ZFAT: variants seen among roughly 807,000 people sequenced by gnomAD.
The protein encoded by ZFAT is zinc finger protein ZFAT.
ZFAT carries 64 observed loss-of-function variants against 117.7 expected under a neutral mutation model. That is an observed-to-expected ratio of 0.54 (90% confidence interval 0.44 to 0.67). ZFAT has a LOEUF of 0.67. Among genes scored for constraint, ZFAT ranks in the 30% least tolerant of loss-of-function variants. ZFAT has a pLI of 0.00. For missense variants in ZFAT, 1,433 were observed against 1,584.5 expected (o/e 0.90, Z 1.62); for synonymous variants, 679 against 615.0 (o/e 1.10, Z -1.54).
intron 1 of ZFAT, 30 bp downstream of exon 1, chr8:134,712,815 C>CGGGG: frequency 8.0e-6 from 9 of 1,128,072 alleles, no homozygotes; most frequent in Non-Finnish European, 1.1e-5. Context: ...ACCCCCACCC[C>CGGGG]GTCTCACCCC....
chr8:134,578,411 CAAA>C (rs778606284), intron 10 of ZFAT, among the ~76,000 whole-genome samples: 3 of 68,402 alleles, frequency 4.4e-5, no homozygotes, highest in African/African-American at 5.7e-5. Context: ...AACTCTGTCT[CAAA>C]AAAAAAAAAA....
At chr8:134,612,361 C>T (rs1264480194) in intron 3 of ZFAT, among the ~76,000 whole-genome samples, 3 of 152,192 alleles carry the variant, frequency 2.0e-5, no homozygotes, top group African/African-American at 7.2e-5. Context: ...TAGCCAGAGT[C>T]CATTTGGTCC....
At chr8:134,511,370 G>A (rs1216382630) in intron 14 of ZFAT, among the ~76,000 whole-genome samples, 1 of 152,200 alleles carries the variant, frequency 6.6e-6, no homozygotes, top group African/African-American at 2.4e-5. Flanking sequence ...CAGAACCTCA[G>A]TGCTGAGAGC....
At chr8:134,560,983 C>T (rs1824006960) in intron 11 of ZFAT, among the ~76,000 whole-genome samples, 2 of 152,252 alleles carry the variant, frequency 1.3e-5, no homozygotes, top group South Asian at 2.1e-4. Flanking sequence ...CTAGGGAATG[C>T]ATTTTAATTG....
At chr8:134,499,413 G>T (rs147383101) in intron 15 of ZFAT, among the ~76,000 whole-genome samples, 4 of 148,378 alleles carry the variant, frequency 2.7e-5, no homozygotes, top group Non-Finnish European at 3.0e-5. Context: ...CCCGTTGCTG[G>T]TTACACACAG....
At chr8:134,778,356 C>G in the ZFAT span, among the ~76,000 whole-genome samples, 580 of 152,288 alleles carry the variant, frequency 3.8e-3, 5 homozygotes, top group Middle Eastern at 3.4e-3. Context: ...TATGTCAGGT[C>G]TACTCTTAGC....
At chr8:134,720,483 C>G in the ZFAT span, among the ~76,000 whole-genome samples, 1 of 152,168 alleles carries the variant, frequency 6.6e-6, no homozygotes, top group Non-Finnish European at 1.5e-5. Context: ...CTCCAAGAGT[C>G]TTTCAACCAA....
At chr8:134,528,865 G>A (rs549422705) in intron 12 of ZFAT, among the ~76,000 whole-genome samples, 3 of 152,334 alleles carry the variant, frequency 2.0e-5, no homozygotes, top group Non-Finnish European at 4.4e-5. Context: ...TGCCTTGTTT[G>A]ACACCAAGTC....
chr8:134,781,831 T>A, the ZFAT span, among the ~76,000 whole-genome samples: 12 of 152,344 alleles, frequency 7.9e-5, no homozygotes, highest in African/African-American at 2.9e-4. Flanking sequence ...TTTCACTTAA[T>A]GAAGTGTAAA....
intron 3 of ZFAT, among the ~76,000 whole-genome samples, chr8:134,629,726 TC>T (rs1333391275): frequency 2.0e-5 from 3 of 152,210 alleles, no homozygotes; most frequent in Non-Finnish European, 2.9e-5. Context: ...ATTGTAAGTT[TC>T]CTGAGGCCTC....
At chr8:134,832,042 C>A in the ZFAT span, among the ~76,000 whole-genome samples, 1 of 149,712 alleles carries the variant, frequency 6.7e-6, no homozygotes, top group African/African-American at 2.4e-5. Context: ...CCCACCCTCC[C>A]GCTCCCAGCG....
intron 12 of ZFAT, among the ~76,000 whole-genome samples, chr8:134,521,738 T>C (rs1820674722): frequency 6.6e-6 from 1 of 152,174 alleles, no homozygotes. Context: ...TTGAACAGAT[T>C]GTGCCTTCAG....
At position 134,712,951 on chromosome 8, in the gene ZFAT, A is replaced by G. The variant is rs1301435249; in HGVS notation, c.-88T>C. ...ACCGAGGGGGCGGGGCGCCCTGCTGACGCTTCGCTTTTTATTTTTATTTTT... is the reference window on the plus strand; with the variant it reads ...ACCGAGGGGGCGGGGCGCCCTGCTGGCGCTTCGCTTTTTATTTTTATTTTT... On this transcript the variant is annotated 5_prime_UTR_variant, in exon 1 of 16. Coordinates refer to ENST00000377838, the MANE Select transcript of ZFAT (RefSeq NM_020863.4). 4 of 1,382,066 alleles carry G rather than the reference A, an allele frequency of 2.9e-6. No homozygotes were observed. The Admixed American group carries it at 9.8e-5, about 34-fold the overall frequency. The allele number at this position is 1,382,066 out of a possible 1,614,324, so 85.6% of individuals were successfully genotyped here. A position where few individuals can be genotyped will look rare whatever the true frequency, so the allele number is the denominator to read the frequency against.
chr8:134,541,497 C>T (rs1477100282), intron 11 of ZFAT, among the ~76,000 whole-genome samples: 1 of 152,276 alleles, frequency 6.6e-6, no homozygotes, highest in Non-Finnish European at 1.5e-5. Context: ...AAATAAGTTC[C>T]TTTTCTTTAT....
the ZFAT span, among the ~76,000 whole-genome samples, chr8:134,777,001 T>C: frequency 6.6e-6 from 1 of 152,218 alleles, no homozygotes; most frequent in Non-Finnish European, 1.5e-5. Flanking sequence ...ACCCCACATA[T>C]TCTCATTTAA....
At chr8:134,801,033 CAA>C in the ZFAT span, among the ~76,000 whole-genome samples, 104 of 152,230 alleles carry the variant, frequency 6.8e-4, no homozygotes, top group African/African-American at 2.4e-3. Flanking sequence ...TCAAAACAAT[CAA>C]ACTTGCATTT....
intron 10 of ZFAT, among the ~76,000 whole-genome samples, chr8:134,574,136 G>C (rs1485915152): frequency 6.6e-6 from 1 of 152,204 alleles, no homozygotes; most frequent in Non-Finnish European, 1.5e-5. Flanking sequence ...AGGAAGGAGA[G>C]GGGGATGTCA....
At chr8:134,524,625 C>G (rs1463034644) in intron 12 of ZFAT, among the ~76,000 whole-genome samples, 1 of 152,162 alleles carries the variant, frequency 6.6e-6, no homozygotes, top group Non-Finnish European at 1.5e-5. Flanking sequence ...GCCAGGGATG[C>G]TGCTACATAC....
chr8:134,806,362 T>C, the ZFAT span, among the ~76,000 whole-genome samples: 2 of 152,364 alleles, frequency 1.3e-5, no homozygotes, highest in Non-Finnish European at 2.9e-5. Flanking sequence ...GGAAAGTACA[T>C]GTGGTCTCTA....
Sources: gnomAD v4.1 joint callset for allele counts (sites outside exome capture counted in the v4.1 genomes callset) on GRCh38, gnomAD v4.1.1 for gene constraint, MANE v1.5 for transcripts, NCBI Gene and HGNC (gene_info 2026-07-23, HGNC 2026-07-21) for gene names.